The following SPON1 variants were observed in gnomAD, a reference collection of about 807,000 sequenced individuals.
SPON1 encodes spondin-1.
In SPON1, 52 loss-of-function variants were observed where a neutral mutation model predicts 111.7. That is an observed-to-expected ratio of 0.47 (90% confidence interval 0.37 to 0.59). The LOEUF (loss-of-function observed/expected upper bound fraction) is 0.59, where lower values mean the gene tolerates loss of function less well. Among genes scored for constraint, SPON1 ranks in the 20% least tolerant of loss-of-function variants. The pLI, the probability that SPON1 is intolerant of heterozygous loss-of-function variation, is 0.00. For synonymous variants in SPON1, 410 were observed against 395.8 expected (o/e 1.04, Z -0.43); for missense variants, 957 against 1,068.5 (o/e 0.90, Z 1.46).
chr11:14,221,492 C>T (rs782434246), intron 6 of SPON1, among the ~76,000 whole-genome samples: 17 of 152,178 alleles, frequency 1.1e-4, no homozygotes, highest in Non-Finnish European at 2.4e-4. Flanking sequence ...AGAACATAAA[C>T]ACATTTTTAA....
At chr11:14,087,164 A>G (rs764975815) in intron 5 of SPON1, among the ~76,000 whole-genome samples, 6 of 151,224 alleles carry the variant, frequency 4.0e-5, no homozygotes, top group Non-Finnish European at 8.8e-5. Context: ...CTCTGATGTT[A>G]GTTATTTCTT....
At chr11:14,250,330 C>T (rs1849039206) in intron 7 of SPON1, among the ~76,000 whole-genome samples, 1 of 144,454 alleles carries the variant, frequency 6.9e-6, no homozygotes, top group East Asian at 2.0e-4. Context: ...TTATTTTTTT[C>T]TATGATCTGG....
intron 2 of SPON1, among the ~76,000 whole-genome samples, chr11:13,997,836 A>T (rs1848285506): frequency 6.6e-6 from 1 of 152,212 alleles, no homozygotes; most frequent in South Asian, 2.1e-4. Flanking sequence ...TGCTGGTTTT[A>T]TGAACTACTT....
chr11:13,965,828 C>T (rs1182231408), intron 1 of SPON1, among the ~76,000 whole-genome samples: 1 of 152,224 alleles, frequency 6.6e-6, no homozygotes, highest in East Asian at 1.9e-4. Flanking sequence ...ACATTCTGCT[C>T]ATTGTCCTGA....
At position 14,258,174 on chromosome 11, in the gene SPON1, A is replaced by C. The variant is rs569830407; in HGVS notation, c.1492+276A>C. The stretch of plus-strand genomic sequence containing the variant: ...ATACAACTTATGACAAGTTACAGAT[A>C]ACACATAGCCTGCTTCTGGGCCTTA... On this transcript the variant is annotated intron_variant, in intron 11 of 15. Coordinates refer to ENST00000576479, the MANE Select transcript of SPON1 (RefSeq NM_006108.4). Among the ~76,000 whole-genome samples the C allele has an allele frequency of 2.0e-5, 3 of 152,370 alleles. No individual in the cohort carries two copies. In the Middle Eastern group the frequency reaches 0.01, roughly 518 times the overall value.
At chr11:14,029,345 GATAATA>G (rs374874058) in intron 2 of SPON1, among the ~76,000 whole-genome samples, 2 of 152,110 alleles carry the variant, frequency 1.3e-5, no homozygotes, top group Admixed American at 6.5e-5. Flanking sequence ...ACACGAGAAT[GATAATA>G]ATAATATTTA....
At chr11:14,211,546 C>T (rs1471954819) in intron 6 of SPON1, among the ~76,000 whole-genome samples, 1 of 152,138 alleles carries the variant, frequency 6.6e-6, no homozygotes, top group Non-Finnish European at 1.5e-5. Context: ...ATGAAAATGG[C>T]CATACTGCCC....
chr11:13,962,798 C>G lies in SPON1; in HGVS notation c.-107C>G. On this transcript the variant is annotated 5_prime_UTR_variant, in exon 1 of 16. Coordinates refer to ENST00000576479, the MANE Select transcript of SPON1 (RefSeq NM_006108.4). ...GTCGCGGACGCCAGCTCCGAGCTCC[C>G]TCTCTCCGCCGCGCCTCCGCCAGGT... 1 of 1,096,218 alleles carries G rather than the reference C, an allele frequency of 9.1e-7. No individual in the cohort carries two copies. 67.9% of individuals were successfully genotyped at this position (1,096,218 alleles called of 1,614,324 possible).
chr11:14,011,326 A>G (rs16913545), intron 2 of SPON1, among the ~76,000 whole-genome samples: 1,809 of 152,264 alleles, frequency 0.012, 34 homozygotes, highest in African/African-American at 0.042. Flanking sequence ...ACAATTTTTC[A>G]GGTAACCATA....
intron 6 of SPON1, among the ~76,000 whole-genome samples, chr11:14,207,305 C>T (rs112818967): frequency 0.088 from 13,323 of 152,118 alleles, 665 homozygotes; most frequent in East Asian, 0.17. Flanking sequence ...GACATAGGCA[C>T]AGTCAAAGAT....
intron 2 of SPON1, among the ~76,000 whole-genome samples, chr11:14,015,723 A>G (rs1848439593): frequency 2.0e-5 from 3 of 152,246 alleles, no homozygotes; most frequent in African/African-American, 7.2e-5. Flanking sequence ...CCAAAGAACA[A>G]GAAACTATTG....
intron 6 of SPON1, among the ~76,000 whole-genome samples, chr11:14,180,039 C>G (rs1378865598): frequency 6.6e-6 from 1 of 152,198 alleles, no homozygotes; most frequent in Non-Finnish European, 1.5e-5. Context: ...CCCCACACCT[C>G]CCATCTGACC....
chr11:14,147,195 A>G (rs1333899944), intron 6 of SPON1, among the ~76,000 whole-genome samples: 1 of 151,422 alleles, frequency 6.6e-6, no homozygotes, highest in Non-Finnish European at 1.5e-5. Flanking sequence ...ATGCCTGGCT[A>G]ATTTTTGTAT....
At chr11:14,061,329 G>A (rs1554919845) in intron 3 of SPON1, among the ~76,000 whole-genome samples, 1 of 152,166 alleles carries the variant, frequency 6.6e-6, no homozygotes, top group Non-Finnish European at 1.5e-5. Context: ...GTGTGTGAAT[G>A]TACACAACTA....
At chr11:14,103,079 A>G (rs1849156424) in intron 5 of SPON1, among the ~76,000 whole-genome samples, 1 of 152,102 alleles carries the variant, frequency 6.6e-6, no homozygotes, top group African/African-American at 2.4e-5. Context: ...GGAAAGGCCA[A>G]ATCCTAGGTG....
intron 3 of SPON1, among the ~76,000 whole-genome samples, chr11:14,065,258 C>T (rs1848822816): frequency 6.6e-6 from 1 of 152,222 alleles, no homozygotes; most frequent in Non-Finnish European, 1.5e-5. Flanking sequence ...GAGGACAGTG[C>T]TCTTGCAGTC....
intron 5 of SPON1, among the ~76,000 whole-genome samples, chr11:14,125,290 A>G (rs952509812): frequency 2.0e-5 from 3 of 152,192 alleles, no homozygotes; most frequent in African/African-American, 7.2e-5. Context: ...TATGAATACA[A>G]CTGGCAGGTC....
In SPON1 at chr11:14,255,685, G is replaced by T. The variant is rs1554941130; in HGVS notation, c.1131G>T (p.Arg377=). The change falls in exon 9 of 16, where the codon CGG becomes CGT. Residue 377 remains arginine (R), a synonymous_variant. Coordinates refer to ENST00000576479, the MANE Select transcript of SPON1 (RefSeq NM_006108.4). ...NKPTIPQEKI[R]PLTSLDHPQS... ...CCACCATTCCCCAGGAGAAAATCCG[G>T]CCCCTGACCAGCCTGGACCATCCTC... 6.2e-7 allele frequency: 1 copy of T among 1,613,884 alleles called. No homozygotes were observed. Among genetic ancestry groups the T allele is most frequent in the Non-Finnish European group, 8.5e-7 (1 of 1,179,840 alleles).
At chr11:14,260,900 A>C (rs1849164084) in intron 14 of SPON1, 148 bp downstream of exon 14, 1 of 761,288 alleles carries the variant, frequency 1.3e-6, no homozygotes, top group Non-Finnish European at 2.1e-6. Flanking sequence ...GTTTGCAGTT[A>C]CTTAAACACT....
Sources: allele counts gnomAD v4.1 joint callset (sites outside exome capture counted in the v4.1 genomes callset), GRCh38; gene constraint gnomAD v4.1.1; transcripts MANE v1.5; gene names NCBI Gene and HGNC (gene_info 2026-07-23, HGNC 2026-07-21).